The following DENND1A variants were observed in gnomAD, a reference collection of about 807,000 sequenced individuals.
The protein encoded by DENND1A is DENN domain containing 1A, also known as DENN domain-containing protein 1A.
Under a neutral mutation model 113.7 loss-of-function variants are expected in DENND1A, and 51 were observed. The ratio of observed to expected loss-of-function variants is 0.45; its 90% confidence interval spans 0.36 to 0.57. The LOEUF is 0.57. Among genes scored for constraint, DENND1A ranks in the 20% least tolerant of loss-of-function variants. DENND1A has a pLI of 0.00. For synonymous variants in DENND1A, 565 were observed against 570.8 expected (o/e 0.99, Z 0.14); for missense variants, 1,258 against 1,395.9 (o/e 0.90, Z 1.57).
intron 8 of DENND1A, among the ~76,000 whole-genome samples, chr9:123,658,819 G>A (rs1169995793): frequency 6.6e-6 from 1 of 152,152 alleles, no homozygotes; most frequent in Non-Finnish European, 1.5e-5. Flanking sequence ...GAAGGAGAGA[G>A]GACATTTTAC....
At chr9:123,530,389 A>G (rs773761221) in intron 13 of DENND1A, among the ~76,000 whole-genome samples, 3 of 152,208 alleles carry the variant, frequency 2.0e-5, no homozygotes, top group Non-Finnish European at 2.9e-5. Context: ...AGATGAGAGA[A>G]GACAAATCTT....
At chr9:123,562,134 G>A (rs116767941) in intron 12 of DENND1A, among the ~76,000 whole-genome samples, 2,949 of 152,084 alleles carry the variant, frequency 0.019, 65 homozygotes, top group East Asian at 0.062. Flanking sequence ...CGGTGCCCCC[G>A]CCCTTCACCA....
intron 10 of DENND1A, among the ~76,000 whole-genome samples, chr9:123,613,745 C>T (rs1020533438): frequency 6.6e-6 from 1 of 152,166 alleles, no homozygotes; most frequent in Non-Finnish European, 1.5e-5. Context: ...CAAACTTATG[C>T]ATAGGCAGGT....
chr9:123,885,545 T>C (rs941841304), intron 1 of DENND1A, among the ~76,000 whole-genome samples: 1 of 152,252 alleles, frequency 6.6e-6, no homozygotes, highest in Non-Finnish European at 1.5e-5. Flanking sequence ...TGTTTTCCTT[T>C]GGAGTAAAAG....
At chr9:123,507,063 C>T in intron 13 of DENND1A, among the ~76,000 whole-genome samples, 1 of 152,124 alleles carries the variant, frequency 6.6e-6, no homozygotes, top group East Asian at 1.9e-4. Context: ...GTGGCACGTG[C>T]CTGTAATCCC....
At chr9:123,598,872 G>T (rs1364169781) in intron 11 of DENND1A, among the ~76,000 whole-genome samples, 4 of 152,158 alleles carry the variant, frequency 2.6e-5, no homozygotes, top group African/African-American at 9.7e-5. Context: ...AGGCACCAAG[G>T]TTTAGCAGAC....
chr9:123,552,055 G>GAGAGAA (rs2135912664), intron 13 of DENND1A, among the ~76,000 whole-genome samples: 3 of 152,038 alleles, frequency 2.0e-5, no homozygotes, highest in African/African-American at 7.2e-5. Flanking sequence ...GAGAGAGAGA[G>GAGAGAA]AGAGAGAGAG....
At chr9:123,389,447 G>A (rs1000181814) in intron 21 of DENND1A, among the ~76,000 whole-genome samples, 1 of 152,206 alleles carries the variant, frequency 6.6e-6, no homozygotes, top group African/African-American at 2.4e-5. Flanking sequence ...CTCTGGTCCA[G>A]GGGGCATTTT....
intron 1 of DENND1A, among the ~76,000 whole-genome samples, chr9:123,910,540 A>G (rs968476794): frequency 1.3e-5 from 2 of 152,252 alleles, no homozygotes. Context: ...ACAAAAGTAT[A>G]TTCATGGTCT....
intron 2 of DENND1A, among the ~76,000 whole-genome samples, chr9:123,847,715 A>G (rs1249799514): frequency 6.6e-6 from 1 of 152,236 alleles, no homozygotes. Flanking sequence ...CGGCCAGATC[A>G]CTTGAGGGCA....
chr9:123,785,650 G>A (rs1281577042), intron 3 of DENND1A, among the ~76,000 whole-genome samples: 2 of 152,242 alleles, frequency 1.3e-5, no homozygotes, highest in East Asian at 3.9e-4. Flanking sequence ...AATCTGTAAT[G>A]CAGTCCTTCA....
chr9:123,529,169 T>C (rs550908545), intron 13 of DENND1A, among the ~76,000 whole-genome samples: 1 of 152,338 alleles, frequency 6.6e-6, no homozygotes, highest in South Asian at 2.1e-4. Context: ...GTAATGTATG[T>C]GTCACCCTCA....
In DENND1A at chr9:123,522,335, G is replaced by T. The variant is rs1015744335; in HGVS notation, c.993+35235C>A. 2.0e-5 allele frequency among the ~76,000 whole-genome samples: 3 copies of T among 152,164 alleles called. No individual in the cohort carries two copies. In the East Asian group the frequency reaches 5.8e-4, roughly 29 times the overall value. ...CAAGGGAGCTGCACAATGCCCAGAG[G>T]TTTATGAAAATACGTATCTGAAAAA... On this transcript the variant is annotated intron_variant, in intron 13 of 23. Transcript: ENST00000394215.
At chr9:123,770,749 C>T (rs1314517071) in intron 3 of DENND1A, among the ~76,000 whole-genome samples, 1 of 152,188 alleles carries the variant, frequency 6.6e-6, no homozygotes, top group African/African-American at 2.4e-5. Flanking sequence ...CCATTGCAAA[C>T]CCTAATCCAA....
At chr9:123,415,589 A>G (rs770219597) in intron 19 of DENND1A, among the ~76,000 whole-genome samples, 20 of 152,190 alleles carry the variant, frequency 1.3e-4, no homozygotes, top group Non-Finnish European at 1.0e-4. Context: ...GCAGTCTCAG[A>G]TTTCGGACAC....
At position 123,764,502 on chromosome 9, in the gene DENND1A, A is replaced by T. The variant is rs1266096887; in HGVS notation, c.182+5012T>A. Among the ~76,000 whole-genome samples the T allele has an allele frequency of 6.6e-6, 1 of 152,190 alleles. No individual in the cohort carries two copies. Among genetic ancestry groups the T allele is most frequent in the East Asian group, 1.9e-4 (1 of 5,190 alleles). On this transcript the variant is annotated intron_variant, in intron 4 of 23. Coordinates refer to ENST00000394215, the MANE Select transcript of DENND1A (RefSeq NM_001352964.2). This position sits in a 1 kb window ranked among gnomAD's most constrained non-coding sequence, Gnocchi z 4.1. ...ACACCTTACATCTGCCTAGGCCTCA[A>T]GTTTCTCACCTTCCCTGCTCAAAGA...
intron 18 of DENND1A, among the ~76,000 whole-genome samples, chr9:123,450,296 C>T (rs1488081472): frequency 6.6e-6 from 1 of 152,220 alleles, no homozygotes; most frequent in Non-Finnish European, 1.5e-5. Flanking sequence ...CCATGGCAAT[C>T]ATTCCCTAGA....
chr9:123,507,751 G>C (rs571821497), intron 13 of DENND1A, among the ~76,000 whole-genome samples: 3 of 151,568 alleles, frequency 2.0e-5, no homozygotes, highest in Non-Finnish European at 4.4e-5. Flanking sequence ...AGCTACTTGG[G>C]GGGCTGAGGC....
intron 2 of DENND1A, among the ~76,000 whole-genome samples, chr9:123,829,506 T>G (rs1839874654): frequency 6.6e-6 from 1 of 150,792 alleles, no homozygotes; most frequent in Non-Finnish European, 1.5e-5. Flanking sequence ...AAACAGAAGG[T>G]AAAAGGAGAT....
Sources: gnomAD v4.1 joint callset for allele counts (sites outside exome capture counted in the v4.1 genomes callset) on GRCh38, gnomAD v4.1.1 for gene constraint, Gnocchi (gnomAD v3.1) non-coding constraint, MANE v1.5 for transcripts, NCBI Gene and HGNC (gene_info 2026-07-23, HGNC 2026-07-21) for gene names.